RBFOX1: variants seen among roughly 807,000 people sequenced by gnomAD.
The protein encoded by RBFOX1 is RNA binding fox-1 homolog 1.
A neutral mutation model predicts 57.7 loss-of-function variants in RBFOX1; 8 were observed. The ratio of observed to expected loss-of-function variants is 0.14; its 90% CI spans 0.08 to 0.25. The LOEUF (loss-of-function observed/expected upper bound fraction) is 0.25, where lower values mean the gene tolerates loss of function less well. Among genes scored for constraint, RBFOX1 ranks in the 10% least tolerant of loss-of-function variants. The pLI is 1.00. For synonymous variants in RBFOX1, 326 were observed against 222.4 expected (o/e 1.47, Z -4.15); for missense variants, 611 against 548.5 (o/e 1.11, Z -1.14).
intron 3 of RBFOX1, among the ~76,000 whole-genome samples, chr16:7,020,173 C>A (rs1452109067): frequency 1.3e-5 from 2 of 152,002 alleles, no homozygotes; most frequent in Non-Finnish European, 1.5e-5. Flanking sequence ...ATCTTTATAC[C>A]TCTGTGTAAA....
chr16:6,875,955 G>A (rs1184659034), intron 3 of RBFOX1, among the ~76,000 whole-genome samples: 1 of 152,090 alleles, frequency 6.6e-6, no homozygotes, highest in Admixed American at 6.6e-5. Context: ...CTGCAATTAT[G>A]TCACTGCACT....
chr16:6,987,315 T>A (rs2090503127), intron 3 of RBFOX1, among the ~76,000 whole-genome samples: 1 of 152,220 alleles, frequency 6.6e-6, no homozygotes, highest in East Asian at 1.9e-4. Context: ...CCTGAAGTTT[T>A]CAAAGGAGGA....
downstream of RBFOX1, among the ~76,000 whole-genome samples, chr16:5,604,693 G>T (rs904022232): frequency 6.6e-6 from 1 of 152,144 alleles, no homozygotes; most frequent in Admixed American, 6.5e-5. Context: ...TGCTGATACA[G>T]TCCCGAGATG....
At chr16:7,332,127 C>T (rs965282709) in intron 4 of RBFOX1, among the ~76,000 whole-genome samples, 1 of 152,094 alleles carries the variant, frequency 6.6e-6, no homozygotes, top group East Asian at 1.9e-4. Flanking sequence ...GCAGTGAAAA[C>T]AGTGTTGTGG....
intron 4 of RBFOX1, among the ~76,000 whole-genome samples, chr16:7,321,187 CA>C (rs1459720547): frequency 1.3e-5 from 2 of 151,378 alleles, no homozygotes; most frequent in African/African-American, 4.8e-5. Context: ...CTCTGCTGCC[CA>C]GGCTGGAGTG....
intron 3 of RBFOX1, among the ~76,000 whole-genome samples, chr16:5,747,322 C>T (rs918136844): frequency 6.6e-6 from 1 of 152,166 alleles, no homozygotes; most frequent in Non-Finnish European, 1.5e-5. Context: ...CAATGTTCAT[C>T]AGGGATATTG....
intron 2 of RBFOX1, among the ~76,000 whole-genome samples, chr16:5,503,110 G>T (rs2043256626): frequency 6.6e-6 from 1 of 152,180 alleles, no homozygotes; most frequent in African/African-American, 2.4e-5. Flanking sequence ...GCAGGCTCTG[G>T]AACCACACCC....
chr16:5,850,722 G>C (rs1449310830), intron 3 of RBFOX1, among the ~76,000 whole-genome samples: 1 of 152,192 alleles, frequency 6.6e-6, no homozygotes, highest in Non-Finnish European at 1.5e-5. Flanking sequence ...TTTGCACAGA[G>C]AGTCAGTGAC....
intron 4 of RBFOX1, among the ~76,000 whole-genome samples, chr16:7,465,851 G>C (rs1000831573): frequency 1.3e-5 from 2 of 152,208 alleles, no homozygotes; most frequent in East Asian, 3.8e-4. Flanking sequence ...CTGATGTCGA[G>C]TGTTTGATAT....
chr16:5,699,678 A>G (rs1387502463), intron 3 of RBFOX1, among the ~76,000 whole-genome samples: 1 of 152,182 alleles, frequency 6.6e-6, no homozygotes, highest in Non-Finnish European at 1.5e-5. Context: ...TCTAGAGGAT[A>G]GAATCCAACT....
At chr16:5,754,076 A>G (rs545892208) in intron 3 of RBFOX1, among the ~76,000 whole-genome samples, 1 of 152,212 alleles carries the variant, frequency 6.6e-6, no homozygotes, top group South Asian at 2.1e-4. Flanking sequence ...AACTACCTGC[A>G]TGACACTTTG....
In RBFOX1 at chr16:5,637,379, C is replaced by A. The variant is rs147142084; in HGVS notation, c.318+38418C>A. ...TCTCCAGAGCTAGGTTTCCAGGGGG[C>A]TCATTTCTGCTCAGCTCCTTCCCAC... is the stretch of plus-strand genomic sequence containing the variant. On this transcript the variant is annotated intron_variant, in intron 3 of 19. Transcript: ENST00000641259. Among the ~76,000 whole-genome samples, 43 of 152,234 alleles carry A rather than the reference C, an allele frequency of 2.8e-4. No individual in the cohort carries two copies. The East Asian group carries it at 7.9e-3, about 28-fold the overall frequency.
Position 5,401,759 on chromosome 16 carries a change from GTC to G in RBFOX1, c.220-65450_220-65449del, listed in dbSNP as rs552689202. On this transcript the variant is annotated intron_variant, in intron 1 of 2. Transcript: ENST00000585867. ...TCTCTTTTTCTCTCTCTCTCTCCCT[GTC>G]TCTCTCCTCCTCCTCCTCCTCCTCC... 2.6e-3 allele frequency among the ~76,000 whole-genome samples: 284 copies of G among 108,814 alleles called. 5 individuals are homozygous for G. The highest frequency in any genetic ancestry group is 5.9e-4 in the Non-Finnish European group (31 of 52,510). 71.4% of individuals were successfully genotyped at this position (108,814 alleles called of 152,430 possible). A position where few individuals can be genotyped will look rare whatever the true frequency, so the allele number is the denominator to read the frequency against.
intron 3 of RBFOX1, among the ~76,000 whole-genome samples, chr16:5,708,866 A>G (rs2051348484): frequency 6.6e-6 from 1 of 152,228 alleles, no homozygotes. Context: ...CATGTCTGTC[A>G]TTATTGAGAA....
chr16:7,187,705 A>C (rs1602301229), intron 4 of RBFOX1, among the ~76,000 whole-genome samples: 1 of 48,446 alleles, frequency 2.1e-5, no homozygotes, highest in Non-Finnish European at 5.4e-5. Context: ...AAAAAAAAAA[A>C]AAAAAAAAAA....
At chr16:7,534,162 C>T (rs1301324959) in intron 5 of RBFOX1, among the ~76,000 whole-genome samples, 1 of 150,380 alleles carries the variant, frequency 6.6e-6, no homozygotes, top group African/African-American at 2.4e-5. Flanking sequence ...TCTCGGCTCA[C>T]TGCAGCCTCC....
At chr16:6,109,847 A>G (rs1267106008) in intron 1 of RBFOX1, among the ~76,000 whole-genome samples, 1 of 152,222 alleles carries the variant, frequency 6.6e-6, no homozygotes, top group African/African-American at 2.4e-5. Context: ...TTTACATCAA[A>G]TAGGATATTA....
At chr16:6,650,675 AT>A (rs2098581674) in intron 2 of RBFOX1, among the ~76,000 whole-genome samples, 1 of 152,150 alleles carries the variant, frequency 6.6e-6, no homozygotes, top group East Asian at 1.9e-4. Context: ...AAAACAAGAT[AT>A]TTGCTATACG....
At chr16:7,108,594 GA>G (rs1252803581) in intron 4 of RBFOX1, among the ~76,000 whole-genome samples, 4 of 152,096 alleles carry the variant, frequency 2.6e-5, no homozygotes, top group African/African-American at 9.7e-5. Context: ...GGTTCAGTGG[GA>G]TTTGTTAGAG....
Sources: gnomAD v4.1 joint callset for allele counts (sites outside exome capture counted in the v4.1 genomes callset) on GRCh38, gnomAD v4.1.1 for gene constraint, MANE v1.5 for transcripts, NCBI Gene and HGNC (gene_info 2026-07-23, HGNC 2026-07-21) for gene names.